CTNNA3: variants seen among roughly 807,000 people sequenced by gnomAD.
CTNNA3 encodes the protein catenin alpha-3.
Under a neutral mutation model 95.7 loss-of-function variants are expected in CTNNA3, and 76 were observed. That is an observed-to-expected ratio of 0.79 (90% CI 0.66 to 0.96). The LOEUF is 0.96. Ranked by LOEUF, CTNNA3 falls within the 40% of genes least tolerant of loss-of-function variation. The pLI is 0.00. For synonymous variants in CTNNA3, 431 were observed against 374.4 expected (o/e 1.15, Z -1.74); for missense variants, 1,191 against 1,089.8 (o/e 1.09, Z -1.31).
At chr10:66,983,297 A>C (rs1850550173) in intron 7 of CTNNA3, among the ~76,000 whole-genome samples, 1 of 152,142 alleles carries the variant, frequency 6.6e-6, no homozygotes. Flanking sequence ...GCAAAGAATC[A>C]GGAGCTGGCA....
chr10:66,386,433 A>G (rs1038323533), intron 11 of CTNNA3, among the ~76,000 whole-genome samples: 10 of 152,328 alleles, frequency 6.6e-5, no homozygotes, highest in South Asian at 2.1e-4. Flanking sequence ...CCACTGCTCA[A>G]TGAAATAAAA....
intron 9 of CTNNA3, among the ~76,000 whole-genome samples, chr10:66,641,422 G>C (rs1380489511): frequency 1.3e-5 from 2 of 152,066 alleles, no homozygotes; most frequent in East Asian, 3.9e-4. Flanking sequence ...CATTGAATCT[G>C]GGTAAGGGCT....
At chr10:67,690,345 A>T (rs145729533) in intron 1 of CTNNA3, among the ~76,000 whole-genome samples, 1 of 152,168 alleles carries the variant, frequency 6.6e-6, no homozygotes, top group Non-Finnish European at 1.5e-5. Flanking sequence ...TTTATTATGA[A>T]GAGTGAAAGA....
rs1177119156 is a variant in CTNNA3, at chr10:67,133,378, T to TATACAC, written c.1047+46938_1047+46939insGTGTAT. On this transcript the variant is annotated intron_variant, in intron 7 of 17. Transcript: ENST00000433211. ...ACATACATACATACATATATATATATACACACACACACACACACACACACA... is the reference window on the plus strand; with the variant it reads ...ACATACATACATACATATATATATATATACACACACACACACACACACACACACACA... Among the ~76,000 whole-genome samples, 125 of 133,928 alleles carry TATACAC rather than the reference T, an allele frequency of 9.3e-4. 1 individual carries two copies. Among genetic ancestry groups the TATACAC allele is most frequent in the African/African-American group, 3.2e-3 (113 of 35,102 alleles). 87.9% of individuals were successfully genotyped at this position (133,928 alleles called of 152,430 possible).
intron 7 of CTNNA3, among the ~76,000 whole-genome samples, chr10:66,910,864 C>A (rs563092830): frequency 1.3e-5 from 2 of 152,250 alleles, no homozygotes; most frequent in South Asian, 4.2e-4. Context: ...CGCTATTTAA[C>A]CAGAGGTCAC....
intron 7 of CTNNA3, among the ~76,000 whole-genome samples, chr10:67,041,321 C>T (rs1436194490): frequency 1.3e-5 from 2 of 152,090 alleles, no homozygotes; most frequent in Admixed American, 1.3e-4. Context: ...CCCCAAGCTG[C>T]CCAAGGGGCC....
At chr10:66,140,185 T>C (rs1464625295) in intron 13 of CTNNA3, among the ~76,000 whole-genome samples, 4 of 152,136 alleles carry the variant, frequency 2.6e-5, no homozygotes, top group African/African-American at 9.7e-5. Flanking sequence ...AGAAAACCTA[T>C]TAGTTGTTCC....
intron 9 of CTNNA3, among the ~76,000 whole-genome samples, chr10:66,659,801 A>G (rs535060035): frequency 1.3e-5 from 2 of 152,240 alleles, no homozygotes; most frequent in Admixed American, 1.3e-4. Context: ...CCGAGCTTTG[A>G]TCTTAGACTT....
intron 13 of CTNNA3, among the ~76,000 whole-genome samples, chr10:66,135,903 AT>A (rs199981098): frequency 0.16 from 22,668 of 143,350 alleles, 1,881 homozygotes; most frequent in African/African-American, 0.27. Flanking sequence ...ATGTAACACA[AT>A]TTTTTTTTTT....
chr10:66,496,154 T>C (rs539991254), intron 11 of CTNNA3, among the ~76,000 whole-genome samples: 4 of 152,308 alleles, frequency 2.6e-5, no homozygotes, highest in Admixed American at 1.3e-4. Context: ...TCATGTGTCA[T>C]ATATTGCATG....
rs2091547676 is a variant in CTNNA3 at position 66,284,353 on chromosome 10, G to T, written c.1733-3732C>A. The stretch of plus-strand genomic sequence containing the variant: ...CTGATTTACCTATGAGGAAACTGAG[G>T]TCACATAGTTAATAAGAGATTGGCT... On this transcript the variant is annotated intron_variant, in intron 12 of 17. Coordinates refer to ENST00000433211, the MANE Select transcript of CTNNA3 (RefSeq NM_013266.4). Among the ~76,000 whole-genome samples, 3 of 151,904 alleles carry T rather than the reference G, an allele frequency of 2.0e-5. No individual in the cohort carries two copies. In the South Asian group the frequency reaches 6.2e-4, roughly 32 times the overall value.
intron 11 of CTNNA3, among the ~76,000 whole-genome samples, chr10:66,429,338 G>A (rs1156322061): frequency 3.3e-5 from 5 of 152,154 alleles, no homozygotes; most frequent in African/African-American, 1.2e-4. Flanking sequence ...AGAGGAGCTG[G>A]TATCATTCCT....
At chr10:66,818,647 T>A (rs1273703947) in intron 7 of CTNNA3, among the ~76,000 whole-genome samples, 1 of 152,194 alleles carries the variant, frequency 6.6e-6, no homozygotes, top group Non-Finnish European at 1.5e-5. Flanking sequence ...ATTGGAAGAA[T>A]TAATATTCTC....
chr10:67,273,096 T>A (rs1839050262), intron 5 of CTNNA3, among the ~76,000 whole-genome samples: 1 of 152,158 alleles, frequency 6.6e-6, no homozygotes, highest in Non-Finnish European at 1.5e-5. Context: ...TTATTACTCA[T>A]GAGACTATGG....
intron 5 of CTNNA3, among the ~76,000 whole-genome samples, chr10:67,518,687 C>G (rs1839894502): frequency 6.6e-6 from 1 of 151,982 alleles, no homozygotes; most frequent in East Asian, 1.9e-4. Flanking sequence ...CATTAGAGTC[C>G]ACATTATCAA....
chr10:67,085,921 T>A (rs1857284892), intron 7 of CTNNA3, among the ~76,000 whole-genome samples: 1 of 151,964 alleles, frequency 6.6e-6, no homozygotes, highest in South Asian at 2.1e-4. Context: ...CATGACGTTA[T>A]CTATATAAAG....
intron 9 of CTNNA3, among the ~76,000 whole-genome samples, chr10:66,703,429 T>A (rs895006630): frequency 6.6e-6 from 1 of 152,184 alleles, no homozygotes; most frequent in Non-Finnish European, 1.5e-5. Context: ...GAAAAGTATA[T>A]GGCATAAGCA....
chr10:66,225,313 A>C (rs988648051), intron 13 of CTNNA3, among the ~76,000 whole-genome samples: 1 of 150,176 alleles, frequency 6.7e-6, no homozygotes, highest in African/African-American at 2.4e-5. Flanking sequence ...TCTGTGCTAG[A>C]CTTATTTTGC....
At chr10:66,685,868 C>T (rs896412263) in intron 9 of CTNNA3, among the ~76,000 whole-genome samples, 1 of 152,046 alleles carries the variant, frequency 6.6e-6, no homozygotes, top group Non-Finnish European at 1.5e-5. Flanking sequence ...TTAAATTATT[C>T]AACTTCACTG....
Sources: allele counts gnomAD v4.1 joint callset (sites outside exome capture counted in the v4.1 genomes callset), GRCh38; gene constraint gnomAD v4.1.1; transcripts MANE v1.5; gene names NCBI Gene and HGNC (gene_info 2026-07-23, HGNC 2026-07-21).